ZNF264: variants seen among roughly 807,000 people sequenced by gnomAD.
ZNF264 encodes zinc finger protein 264.
A neutral mutation model predicts 11.2 loss-of-function variants in ZNF264; 11 were observed. That is an observed-to-expected ratio of 0.98 (90% CI 0.62 to 1.63). The LOEUF is 1.63. Among genes scored for constraint, ZNF264 ranks in the 40% most tolerant of loss-of-function variants. The pLI, the probability that ZNF264 is intolerant of heterozygous loss-of-function variation, is 0.00. For synonymous variants in ZNF264, 309 were observed against 279.8 expected, an observed-to-expected ratio of 1.10 and a Z score of -1.04; for missense variants, 752 against 768.1, an observed-to-expected ratio of 0.98 and a Z score of 0.25.
At chr19:57,204,004 G>A (rs2087272352) in intron 2 of ZNF264, among the ~76,000 whole-genome samples, 1 of 152,152 alleles carries the variant, frequency 6.6e-6, no homozygotes, top group Non-Finnish European at 1.5e-5. Flanking sequence ...GGCTAACACA[G>A]TGAAACCCTG....
chr19:57,204,156 C>G (rs1431856806), intron 2 of ZNF264, among the ~76,000 whole-genome samples: 1 of 149,172 alleles, frequency 6.7e-6, no homozygotes, highest in Non-Finnish European at 1.5e-5. Flanking sequence ...GCGGAGCTTG[C>G]AGTGAGCCGA....
chr19:57,198,229 C>T (rs1212462473), intron 2 of ZNF264, among the ~76,000 whole-genome samples: 1 of 151,944 alleles, frequency 6.6e-6, no homozygotes, highest in African/African-American at 2.4e-5. Context: ...GGTATAGCAG[C>T]TGCAATTGGA....
rs2087335435 is a variant in ZNF264 at position 57,211,526 on chromosome 19, A to G, written c.429A>G (p.Gly143=). The G allele has an allele frequency of 6.2e-7, 1 of 1,614,084 alleles. No individual in the cohort carries two copies. ...TGCAGGAAGGACACTTCAGACCAGG[A>G]ATAGATCCCCAGGAGAAGTCTCCTG... is the stretch of plus-strand genomic sequence containing the variant. ...SEMQEGHFRP[G]IDPQEKSPGK... Residue 143 remains glycine, a synonymous_variant, in exon 4 of 4, where the codon GGA becomes GGG. Transcript: ENST00000263095.
chr19:57,202,907 G>A (rs1439454391), intron 2 of ZNF264, among the ~76,000 whole-genome samples: 1 of 149,442 alleles, frequency 6.7e-6, no homozygotes, highest in East Asian at 1.9e-4. Flanking sequence ...GGGCAGTCTT[G>A]TGGACTCAGC....
rs1291789554 is a variant in ZNF264 at position 57,219,493 on chromosome 19, C to G, written c.*6512C>G. The G allele has an allele frequency of 6.6e-6, 1 of 152,324 alleles. No homozygotes were observed. Among genetic ancestry groups the G allele is most frequent in the East Asian group, 1.9e-4 (1 of 5,196 alleles). 9.4% of individuals were successfully genotyped at this position (152,324 alleles called of 1,614,324 possible). A position where few individuals can be genotyped will look rare whatever the true frequency, so the allele number is the denominator to read the frequency against. ...TGCACACTACCCGTCCTCGCCCCTT[C>G]TCATTTCCCTCACTCCACGGACAGC... is the stretch of plus-strand genomic sequence containing the variant. On this transcript the variant is annotated 3_prime_UTR_variant, in exon 4 of 4. Transcript: ENST00000263095.
rs113590543 is a variant in ZNF264 at position 57,217,252 on chromosome 19, G to C, written c.*4271G>C. ...TATATATCTGCATTTTTTAGTGATT[G>C]TTCTACTATTACAGTGTAAATATAT... On this transcript the variant is annotated 3_prime_UTR_variant, in exon 4 of 4. Coordinates refer to ENST00000263095, the MANE Select transcript of ZNF264 (RefSeq NM_003417.5). 1.2e-3 allele frequency: 186 copies of C among 152,238 alleles called. 1 individual carries two copies. Among genetic ancestry groups the C allele is most frequent in the African/African-American group, 4.4e-3 (183 of 41,532 alleles). 9.4% of individuals were successfully genotyped at this position (152,238 alleles called of 1,614,324 possible).
chr19:57,212,341 A>G lies in ZNF264; in HGVS notation c.1244A>G (p.Lys415Arg), dbSNP rs748627504. 3.1e-6 allele frequency: 5 copies of G among 1,601,986 alleles called. No homozygotes were observed. In the South Asian group the frequency reaches 4.4e-5, roughly 14 times the overall value. The part of the protein sequence containing the change: ...GKAFNHRSYL[K>R]RHQRIHTGEK... ...GCTTTCAACCACCGATCCTACCTCA[A>G]GAGGCACCAGCGGATTCACACTGGG... The change falls in exon 4 of 4, where the codon AAG (lysine) becomes AGG (arginine). Residue 415 changes from lysine to arginine, a missense_variant. Transcript: ENST00000263095.
chr19:57,192,946 G>A (rs1305673539), intron 1 of ZNF264, among the ~76,000 whole-genome samples: 1 of 152,058 alleles, frequency 6.6e-6, no homozygotes, highest in African/African-American at 2.4e-5. Flanking sequence ...TGCCAGGCTG[G>A]TCTTCAACTC....
At position 57,211,341 on chromosome 19, in the gene ZNF264, G is replaced by T. The variant is rs1430923608; in HGVS notation, c.257-13G>T. 1 of 1,581,796 alleles carries T rather than the reference G, an allele frequency of 6.3e-7. No homozygotes were observed. The highest frequency in any genetic ancestry group is 8.6e-7 in the Non-Finnish European group (1 of 1,162,994). The stretch of plus-strand genomic sequence containing the variant: ...TTACTAACAGGCCCTTTTGTGTGCT[G>T]GATTTCTTTCAGGCGACAAAGGAAA... On this transcript the variant is annotated splice_polypyrimidine_tract_variant and intron_variant, in intron 3 of 3. Transcript: ENST00000263095.
At position 57,212,325 on chromosome 19, in the gene ZNF264, C is replaced by A. The variant is rs1245400309; in HGVS notation, c.1228C>A (p.His410Asn). 1 of 1,613,206 alleles carries A rather than the reference C, an allele frequency of 6.2e-7. No individual in the cohort carries two copies. The highest frequency in any genetic ancestry group is 8.5e-7 in the Non-Finnish European group (1 of 1,179,804). The change falls in exon 4 of 4, where the codon CAC becomes AAC. Residue 410 changes from histidine (H) to asparagine (N), a missense_variant. By Grantham distance (68) the His-to-Asn change is moderately conservative. Transcript: ENST00000263095. ...CCTCGAGTGTGGGAAGGCTTTCAACCACCGATCCTACCTCAAGAGGCACCA... is the reference window on the plus strand; with the variant it reads ...CCTCGAGTGTGGGAAGGCTTTCAACAACCGATCCTACCTCAAGAGGCACCA... ...ECLECGKAFN[H>N]RSYLKRHQRI...
intron 2 of ZNF264, among the ~76,000 whole-genome samples, chr19:57,204,060 G>A (rs1215633794): frequency 3.3e-5 from 5 of 152,214 alleles, no homozygotes; most frequent in African/African-American, 9.6e-5. Flanking sequence ...GGTGGCAGGC[G>A]CCTGTAGTCC....
Position 57,211,745 on chromosome 19 carries a change from C to T in ZNF264, c.648C>T (p.His216=). The T allele has an allele frequency of 6.2e-7, 1 of 1,614,174 alleles. No individual in the cohort carries two copies. The highest frequency in any genetic ancestry group is 8.5e-7 in the Non-Finnish European group (1 of 1,180,020). ...GTGGAAAAGTATTTAACAAGAAACA[C>T]CTCCTTGCTGGACATGAGAAAATTC... ...SECGKVFNKK[H]LLAGHEKIHS... The change falls in exon 4 of 4, where the codon CAC becomes CAT. Residue 216 remains histidine (H), a synonymous_variant. Transcript: ENST00000263095.
In ZNF264 at chr19:57,212,948, C is replaced by A; in HGVS notation, c.1851C>A (p.Tyr617Ter). 1 of 1,612,136 alleles carries A rather than the reference C, an allele frequency of 6.2e-7. No homozygotes were observed. Among genetic ancestry groups the A allele is most frequent in the Non-Finnish European group, 8.5e-7 (1 of 1,178,498 alleles). Residue 617 changes from tyrosine (Y) to a stop codon, truncating the protein, a stop_gained, in exon 4 of 4, where the codon TAC (tyrosine) becomes TAA (stop). Coordinates refer to ENST00000263095, the MANE Select transcript of ZNF264 (RefSeq NM_003417.5). LOFTEE classifies it low-confidence loss of function (END_TRUNC). ...CTTCCTCTGCATCTGATCAACCATA[C>A]CAAAGAGAAACCCCACAAGTGTCTT... ...ETSSSASDQP[Y>*]QRETPQVSSL is the part of the protein sequence containing the mutation.
chr19:57,199,772 A>G (rs1378746787), intron 2 of ZNF264, among the ~76,000 whole-genome samples: 1 of 151,832 alleles, frequency 6.6e-6, no homozygotes, highest in African/African-American at 2.4e-5. Context: ...GACTTTAGTT[A>G]TAGGTCTAGA....
At position 57,220,473 on chromosome 19, in the gene ZNF264, A is replaced by T. The variant is rs563207210; in HGVS notation, c.*7492A>T. 1.3e-5 allele frequency: 2 copies of T among 152,104 alleles called. No individual in the cohort carries two copies. The highest frequency in any genetic ancestry group is 2.9e-5 in the Non-Finnish European group (2 of 68,024). 9.4% of individuals were successfully genotyped at this position (152,104 alleles called of 1,614,324 possible). On this transcript the variant is annotated 3_prime_UTR_variant, in exon 4 of 4. Coordinates refer to ENST00000263095, the MANE Select transcript of ZNF264 (RefSeq NM_003417.5). ...GATCAGGGTGAATTTCCCAAATTTGAATCTTGTTGCCCAAGCCACATTGCA... is the reference window on the plus strand; with the variant it reads ...GATCAGGGTGAATTTCCCAAATTTGTATCTTGTTGCCCAAGCCACATTGCA...
At chr19:57,205,299 C>T (rs1407935587) in intron 2 of ZNF264, 98 bp from the exon 3 acceptor site, 1 of 1,176,736 alleles carries the variant, frequency 8.5e-7, no homozygotes, top group African/African-American at 1.5e-5. Flanking sequence ...CAGCTTCACT[C>T]CAAGGTCTGG....
intron 3 of ZNF264, among the ~76,000 whole-genome samples, chr19:57,208,614 CTA>C (rs1270112216): frequency 7.2e-5 from 11 of 152,192 alleles, no homozygotes; most frequent in African/African-American, 2.4e-4. Flanking sequence ...TAATAATTTT[CTA>C]TGTTTCATTC....
At position 57,213,910 on chromosome 19, in the gene ZNF264, G is replaced by A. The variant is rs1425787334; in HGVS notation, c.*929G>A. On this transcript the variant is annotated 3_prime_UTR_variant, in exon 4 of 4. Transcript: ENST00000263095. ...ATTTCATTAATGTTAAAAATTTTCA[G>A]CGTATAGATCCCTATGCATTTTTGT... is the stretch of plus-strand genomic sequence containing the variant. 6.6e-6 allele frequency: 1 copy of A among 152,126 alleles called. No individual in the cohort carries two copies. The highest frequency in any genetic ancestry group is 2.4e-5 in the African/African-American group (1 of 41,424). The allele number at this position is 152,126 out of a possible 1,614,324, so 9.4% of individuals were successfully genotyped here.
At chr19:57,199,816 A>C (rs2087237788) in intron 2 of ZNF264, among the ~76,000 whole-genome samples, 1 of 151,786 alleles carries the variant, frequency 6.6e-6, no homozygotes. Flanking sequence ...CTAGAGGAGA[A>C]TCGATATTAT....
Sources: allele counts gnomAD v4.1 joint callset (sites outside exome capture counted in the v4.1 genomes callset), GRCh38; gene constraint gnomAD v4.1.1; transcripts MANE v1.5; gene names NCBI Gene and HGNC (gene_info 2026-07-23, HGNC 2026-07-21).